The following SYTL3 variants were observed in gnomAD, a reference collection of about 807,000 sequenced individuals.
SYTL3 encodes synaptotagmin like 3.
Under a neutral mutation model 82.1 loss-of-function variants are expected in SYTL3, and 88 were observed. That is an observed-to-expected ratio of 1.07 (90% CI 0.90 to 1.28). The LOEUF is 1.28. Among genes scored for constraint, SYTL3 ranks in the 50% most tolerant of loss-of-function variants. The pLI, the probability that SYTL3 is intolerant of heterozygous loss-of-function variation, is 0.00. For missense variants in SYTL3, 831 were observed against 757.6 expected, an observed-to-expected ratio of 1.10 and a Z score of -1.14; for synonymous variants, 311 against 289.4, an observed-to-expected ratio of 1.07 and a Z score of -0.76.
rs1782766591 is a variant in SYTL3, at chr6:158,711,540, T to G, written c.517-2260T>G. ...GGCGCCAGGAAAGCTGATGGTGTTG[T>G]TACAGGAAACAGACCCCAAGAAACG... On this transcript the variant is annotated intron_variant, in intron 8 of 17. Transcript: ENST00000611299. 1.3e-5 allele frequency among the ~76,000 whole-genome samples: 2 copies of G among 152,128 alleles called. 1 individual carries two copies. Among genetic ancestry groups the G allele is most frequent in the South Asian group, 4.1e-4 (2 of 4,826 alleles).
chr6:158,665,318 C>A, intron 4 of SYTL3, 77 bp from the exon 5 acceptor site: 1 of 1,392,412 alleles, frequency 7.2e-7, no homozygotes, highest in Non-Finnish European at 9.8e-7. Context: ...ATGGGGGTTA[C>A]TGCCTGGGCT....
intron 2 of SYTL3, among the ~76,000 whole-genome samples, chr6:158,660,983 A>T (rs181768739): frequency 8.7e-4 from 133 of 152,330 alleles, no homozygotes; most frequent in Non-Finnish European, 1.5e-3. Flanking sequence ...TGAGCCTGGG[A>T]GGCCAAGGCT....
intron 6 of SYTL3, among the ~76,000 whole-genome samples, chr6:158,700,968 A>G (rs951937514): frequency 5.3e-5 from 8 of 152,194 alleles, no homozygotes; most frequent in African/African-American, 1.9e-4. Flanking sequence ...TCTGGGTACC[A>G]GGGACAGCGA....
chr6:158,695,002 T>C (rs1780405677), intron 6 of SYTL3, among the ~76,000 whole-genome samples: 1 of 152,242 alleles, frequency 6.6e-6, no homozygotes, highest in South Asian at 2.1e-4. Flanking sequence ...TATTTTATTT[T>C]ACTAAATACT....
chr6:158,686,713 A>G (rs974281258), intron 6 of SYTL3, among the ~76,000 whole-genome samples: 16 of 152,212 alleles, frequency 1.1e-4, no homozygotes, highest in African/African-American at 2.9e-4. Context: ...TTATTTGAAT[A>G]AGAATTTACT....
chr6:158,677,068 A>G (rs913618527), intron 5 of SYTL3, among the ~76,000 whole-genome samples: 1 of 152,230 alleles, frequency 6.6e-6, no homozygotes, highest in Admixed American at 6.5e-5. Flanking sequence ...ATATACCCAA[A>G]GGACTATAAA....
chr6:158,662,152 G>A (rs1318705916), intron 3 of SYTL3, among the ~76,000 whole-genome samples: 3 of 152,108 alleles, frequency 2.0e-5, no homozygotes, highest in Non-Finnish European at 1.5e-5. Flanking sequence ...AGGAAGTTTA[G>A]CTTTTAAAGC....
At chr6:158,724,361 CAT>C (rs763155523) in intron 10 of SYTL3, among the ~76,000 whole-genome samples, 1 of 152,232 alleles carries the variant, frequency 6.6e-6, no homozygotes, top group Non-Finnish European at 1.5e-5. Flanking sequence ...TTTGTTCTAT[CAT>C]ATTCTCACTT....
chr6:158,763,559 A>C, intron 17 of SYTL3, 50 bp downstream of exon 17: 3 of 1,503,640 alleles, frequency 2.0e-6, no homozygotes, highest in Non-Finnish European at 2.8e-6. Context: ...GATTATCCTA[A>C]TGGGTACCGT....
At chr6:158,742,706 G>A (rs1787094533) in intron 11 of SYTL3, among the ~76,000 whole-genome samples, 1 of 152,014 alleles carries the variant, frequency 6.6e-6, no homozygotes, top group African/African-American at 2.4e-5. Context: ...CTCCTGAGTA[G>A]CTGGGACTGG....
chr6:158,672,389 G>T (rs1365050909), intron 5 of SYTL3, among the ~76,000 whole-genome samples: 1 of 152,170 alleles, frequency 6.6e-6, no homozygotes, highest in Non-Finnish European at 1.5e-5. Flanking sequence ...CATGAGGAAT[G>T]ATTTCACTGG....
At chr6:158,710,051 A>G (rs1010460559) in intron 8 of SYTL3, among the ~76,000 whole-genome samples, 4 of 152,160 alleles carry the variant, frequency 2.6e-5, no homozygotes, top group Non-Finnish European at 5.9e-5. Flanking sequence ...CAAACTAAAA[A>G]CAAAAACCAT....
intron 8 of SYTL3, among the ~76,000 whole-genome samples, chr6:158,709,614 G>T (rs538238958): frequency 1.3e-5 from 2 of 152,082 alleles, no homozygotes; most frequent in Admixed American, 6.5e-5. Flanking sequence ...TATTGTCTTG[G>T]TTATCTTCAT....
intron 5 of SYTL3, among the ~76,000 whole-genome samples, chr6:158,673,473 TC>T (rs1321990542): frequency 2.0e-5 from 3 of 148,794 alleles, no homozygotes; most frequent in Non-Finnish European, 4.4e-5. Flanking sequence ...GGAGTCTTGC[TC>T]TGTTGCCCAG....
chr6:158,674,584 A>G (rs1777815654), intron 5 of SYTL3, among the ~76,000 whole-genome samples: 1 of 152,152 alleles, frequency 6.6e-6, no homozygotes, highest in Non-Finnish European at 1.5e-5. Flanking sequence ...CGGCCTTCTC[A>G]TCGCCCCTCT....
intron 6 of SYTL3, among the ~76,000 whole-genome samples, chr6:158,697,277 G>GGAA (rs767664100): frequency 1.1e-5 from 1 of 94,502 alleles, no homozygotes; most frequent in African/African-American, 3.9e-5. Flanking sequence ...CATCTCTACG[G>GGAA]AAAAAAAAAA....
chr6:158,673,018 A>G (rs1777580502), intron 5 of SYTL3, among the ~76,000 whole-genome samples: 1 of 151,880 alleles, frequency 6.6e-6, no homozygotes, highest in Non-Finnish European at 1.5e-5. Flanking sequence ...GCAGCCTCCA[A>G]CGCCTGGGTT....
chr6:158,687,975 G>T (rs1346615260), intron 6 of SYTL3, among the ~76,000 whole-genome samples: 1 of 152,190 alleles, frequency 6.6e-6, no homozygotes, highest in African/African-American at 2.4e-5. Context: ...TTCTAGGTAA[G>T]CCTGTGTATA....
At chr6:158,676,525 CA>C (rs1259965836) in intron 5 of SYTL3, among the ~76,000 whole-genome samples, 1 of 151,578 alleles carries the variant, frequency 6.6e-6, no homozygotes, top group Non-Finnish European at 1.5e-5. Context: ...ACACCAAAAG[CA>C]ATGGCAACAA....
Sources: gnomAD v4.1 joint callset for allele counts (sites outside exome capture counted in the v4.1 genomes callset) on GRCh38, gnomAD v4.1.1 for gene constraint, MANE v1.5 for transcripts, NCBI Gene and HGNC (gene_info 2026-07-23, HGNC 2026-07-21) for gene names.